THSD7B: variants seen among roughly 807,000 people sequenced by gnomAD.
THSD7B encodes thrombospondin type 1 domain containing 7B.
A neutral mutation model predicts 213.6 loss-of-function variants in THSD7B; 138 were observed. That is an observed-to-expected ratio of 0.65 (90% confidence interval 0.56 to 0.74). The LOEUF (loss-of-function observed/expected upper bound fraction) is 0.74, where lower values mean the gene tolerates loss of function less well. Ranked by LOEUF, THSD7B falls within the 30% of genes least tolerant of loss-of-function variation. The probability of loss-of-function intolerance (pLI) is 0.00; values close to 1 mark genes in which losing one functional copy is unlikely to be tolerated. For synonymous variants in THSD7B, 742 were observed against 687.0 expected (o/e 1.08, Z -1.25); for missense variants, 1,931 against 1,991.5 (o/e 0.97, Z 0.58).
chr2:136,906,784 A>T (rs1558847200), intron 2 of THSD7B, among the ~76,000 whole-genome samples: 1 of 152,030 alleles, frequency 6.6e-6, no homozygotes, highest in South Asian at 2.1e-4. Context: ...ATTTTCACTC[A>T]AGTAGTTATG....
At chr2:136,883,005 C>T (rs944412320) in intron 2 of THSD7B, among the ~76,000 whole-genome samples, 2 of 152,140 alleles carry the variant, frequency 1.3e-5, no homozygotes, top group Non-Finnish European at 2.9e-5. Flanking sequence ...GAACCCTAAA[C>T]ATCTTAGCTC....
chr2:137,621,577 G>A (rs1192129603), intron 20 of THSD7B, among the ~76,000 whole-genome samples: 2 of 152,084 alleles, frequency 1.3e-5, no homozygotes, highest in Non-Finnish European at 2.9e-5. Context: ...GCTGAAGTAG[G>A]GATCAAGACA....
chr2:136,903,950 GTGTGTGTGTGTGTGTGTGTGTGTT>G (rs1332456657), intron 2 of THSD7B, among the ~76,000 whole-genome samples: 9 of 65,594 alleles, frequency 1.4e-4, no homozygotes, highest in African/African-American at 2.2e-4. Context: ...GTGTGTGTGT[GTGTGTGTGTGTGTGTGTGTGTGTT>G]TGTTTGTTTC....
rs370011575 is a variant in THSD7B at position 137,071,531 on chromosome 2, A to T, written c.950+14301A>T. 5.3e-5 allele frequency among the ~76,000 whole-genome samples: 8 copies of T among 152,092 alleles called. No homozygotes were observed. The East Asian group carries it at 1.2e-3, about 22-fold the overall frequency. ...TTGCCTGTTCACTCTGATGGTAGTT[A>T]CTTTTGCTGTGCAGAAGCTCTTTAG... is the stretch of plus-strand genomic sequence containing the variant. On this transcript the variant is annotated intron_variant, in intron 3 of 27. Transcript: ENST00000409968.
At chr2:137,070,878 C>A (rs1039040555) in intron 3 of THSD7B, among the ~76,000 whole-genome samples, 2 of 152,162 alleles carry the variant, frequency 1.3e-5, no homozygotes, top group African/African-American at 2.4e-5. Context: ...TATGTCCCTA[C>A]AAAGGACATG....
chr2:137,040,368 C>T (rs1204676118), intron 2 of THSD7B, among the ~76,000 whole-genome samples: 3 of 150,318 alleles, frequency 2.0e-5, no homozygotes, highest in Non-Finnish European at 4.4e-5. Context: ...TCTTTTTCTT[C>T]TCCTTCTCCT....
intron 2 of THSD7B, among the ~76,000 whole-genome samples, chr2:137,021,788 A>T (rs1277730083): frequency 1.3e-5 from 2 of 152,088 alleles, no homozygotes; most frequent in East Asian, 3.9e-4. Context: ...TCCGTTCTTT[A>T]TTTCTATAAT....
At chr2:137,395,409 T>A (rs892906536) in intron 12 of THSD7B, among the ~76,000 whole-genome samples, 2 of 150,284 alleles carry the variant, frequency 1.3e-5, no homozygotes, top group African/African-American at 4.9e-5. Context: ...TTTCTGCATC[T>A]ATTGAGATAA....
At chr2:137,367,457 G>A (rs934114155) in intron 12 of THSD7B, among the ~76,000 whole-genome samples, 1 of 152,092 alleles carries the variant, frequency 6.6e-6, no homozygotes, top group Non-Finnish European at 1.5e-5. Flanking sequence ...TGCAATATAC[G>A]TTTTGGAAGT....
At chr2:137,261,789 C>T (rs1682457836) in intron 10 of THSD7B, among the ~76,000 whole-genome samples, 1 of 151,990 alleles carries the variant, frequency 6.6e-6, no homozygotes, top group African/African-American at 2.4e-5. Flanking sequence ...TTACAACCAC[C>T]TCCAAAACAA....
intron 16 of THSD7B, among the ~76,000 whole-genome samples, chr2:137,568,668 A>G (rs180732296): frequency 6.6e-6 from 1 of 152,314 alleles, no homozygotes; most frequent in East Asian, 1.9e-4. Context: ...GTGTCAGCAC[A>G]GGAAAAACTG....
At chr2:137,598,285 A>G (rs930260677) in intron 17 of THSD7B, among the ~76,000 whole-genome samples, 2 of 152,190 alleles carry the variant, frequency 1.3e-5, no homozygotes, top group African/African-American at 4.8e-5. Context: ...TCCTTGAAAT[A>G]TATGTCACTG....
At position 137,621,603 on chromosome 2, in the gene THSD7B, G is replaced by T. The variant is rs539086196; in HGVS notation, c.3799+877G>T. On this transcript the variant is annotated intron_variant, in intron 20 of 27. Transcript: ENST00000409968. ...GATCAAGACATGGGCCCATGGGAGAGAAAGCAACAAGACCATAGCATAAAA... is the reference window on the plus strand; with the variant it reads ...GATCAAGACATGGGCCCATGGGAGATAAAGCAACAAGACCATAGCATAAAA... Among the ~76,000 whole-genome samples the T allele has an allele frequency of 2.6e-5, 4 of 152,242 alleles. No individual in the cohort carries two copies. In the East Asian group the frequency reaches 7.7e-4, roughly 29 times the overall value.
intron 15 of THSD7B, among the ~76,000 whole-genome samples, chr2:137,502,933 T>C (rs1573668367): frequency 6.6e-6 from 1 of 152,312 alleles, no homozygotes; most frequent in East Asian, 1.9e-4. Flanking sequence ...AAAAAGTCCA[T>C]TCACTCTGTA....
intron 12 of THSD7B, among the ~76,000 whole-genome samples, chr2:137,315,566 T>A (rs1251829753): frequency 6.6e-6 from 1 of 152,156 alleles, no homozygotes; most frequent in Non-Finnish European, 1.5e-5. Context: ...AAAACGTTTT[T>A]CAGTAGCGTC....
At chr2:137,342,118 T>C (rs1055528956) in intron 12 of THSD7B, among the ~76,000 whole-genome samples, 3 of 151,662 alleles carry the variant, frequency 2.0e-5, no homozygotes, top group African/African-American at 7.2e-5. Flanking sequence ...ATTTTAACAA[T>C]ATTCTTTCAA....
intron 15 of THSD7B, among the ~76,000 whole-genome samples, chr2:137,467,869 G>A (rs1312262823): frequency 6.6e-6 from 1 of 152,056 alleles, no homozygotes; most frequent in Non-Finnish European, 1.5e-5. Context: ...TGATAAATAA[G>A]GAAACCCCAA....
At chr2:137,162,617 TC>T (rs1372025439) in intron 6 of THSD7B, among the ~76,000 whole-genome samples, 1 of 152,166 alleles carries the variant, frequency 6.6e-6, no homozygotes, top group Non-Finnish European at 1.5e-5. Context: ...AAATGCTTTC[TC>T]CCCTTCGTTC....
chr2:137,043,488 G>A (rs1419405088), intron 2 of THSD7B, among the ~76,000 whole-genome samples: 1 of 152,176 alleles, frequency 6.6e-6, no homozygotes, highest in Admixed American at 6.5e-5. Flanking sequence ...GGGAAGCAAG[G>A]TAAAGGGTCT....
Sources: allele counts gnomAD v4.1 joint callset (sites outside exome capture counted in the v4.1 genomes callset), GRCh38; gene constraint gnomAD v4.1.1; transcripts MANE v1.5; gene names NCBI Gene and HGNC (gene_info 2026-07-23, HGNC 2026-07-21).